ACTR3C: variants seen among roughly 807,000 people sequenced by gnomAD.
ACTR3C encodes the protein actin-related protein 3C.
Under a neutral mutation model 26.3 loss-of-function variants are expected in ACTR3C, and 18 were observed. The observed-to-expected ratio is 0.68, with a 90% CI of 0.47 to 1.01. The LOEUF is 1.01. Ranked by LOEUF, ACTR3C falls within the 50% of genes least tolerant of loss-of-function variation. ACTR3C has a pLI of 0.00. For missense variants in ACTR3C, 184 were observed against 250.7 expected (o/e 0.73, Z 1.80); for synonymous variants, 55 against 94.5 (o/e 0.58, Z 2.42).
At chr7:150,311,312 C>T (rs1345751734) in intron 1 of ACTR3C, among the ~76,000 whole-genome samples, 1 of 152,192 alleles carries the variant, frequency 6.6e-6, no homozygotes, top group African/African-American at 2.4e-5. Context: ...AATCTATAGC[C>T]TTTCTATCCA....
At chr7:149,987,911 GC>G in the ACTR3C span, among the ~76,000 whole-genome samples, 1 of 152,022 alleles carries the variant, frequency 6.6e-6, no homozygotes, top group African/African-American at 2.4e-5. Context: ...TAAAATAAAA[GC>G]TTTTTTAAAA....
the ACTR3C span, among the ~76,000 whole-genome samples, chr7:150,092,012 A>AAAAAAAAAAAAAAAAG: frequency 7.0e-6 from 1 of 141,900 alleles, no homozygotes; most frequent in Non-Finnish European, 1.6e-5. Context: ...AAAAAAAAAA[A>AAAAAAAAAAAAAAAAG]AAAAAAAAAA....
chr7:150,260,790 C>CT lies in ACTR3C; in HGVS notation c.565-11737dup, dbSNP rs570842809. Among the ~76,000 whole-genome samples, 823 of 152,178 alleles carry CT rather than the reference C, an allele frequency of 5.4e-3. 6 individuals are homozygous for CT. Among genetic ancestry groups the CT allele is most frequent in the African/African-American group, 0.019 (774 of 41,500 alleles). ...TAGTGTATTCATAAGGGAGCATATG[C>CT]TTTTTTTGCTAGAAGCAAAACAGAA... On this transcript the variant is annotated intron_variant, in intron 6 of 7. Coordinates refer to ENST00000683684, the MANE Select transcript of ACTR3C (RefSeq NM_001164458.2).
chr7:150,026,443 G>T, the ACTR3C span, among the ~76,000 whole-genome samples: 5,779 of 152,096 alleles, frequency 0.038, 222 homozygotes, highest in African/African-American at 0.088. Flanking sequence ...TGGATTAAAG[G>T]CAATATGAAA....
the ACTR3C span, among the ~76,000 whole-genome samples, chr7:150,043,239 G>A: frequency 6.6e-6 from 1 of 151,132 alleles, no homozygotes; most frequent in African/African-American, 2.4e-5. Flanking sequence ...CAGTCCTCCA[G>A]GTGGTTCCTA....
chr7:149,927,502 G>A, the ACTR3C span, among the ~76,000 whole-genome samples: 1 of 151,834 alleles, frequency 6.6e-6, no homozygotes, highest in African/African-American at 2.4e-5. Context: ...GCCGAGGCAG[G>A]CAGATCACCT....
the ACTR3C span, among the ~76,000 whole-genome samples, chr7:149,924,021 C>T: frequency 2.0e-5 from 3 of 151,352 alleles, no homozygotes; most frequent in East Asian, 5.9e-4. Flanking sequence ...AATTGGAAGC[C>T]CTAAATAACA....
the ACTR3C span, among the ~76,000 whole-genome samples, chr7:150,072,791 G>A: frequency 2.0e-5 from 3 of 152,140 alleles, no homozygotes; most frequent in African/African-American, 7.2e-5. Context: ...AGTATGATAG[G>A]TGCAGACAGA....
the ACTR3C span, among the ~76,000 whole-genome samples, chr7:150,078,055 G>T: frequency 2.0e-5 from 3 of 152,118 alleles, no homozygotes; most frequent in Non-Finnish European, 4.4e-5. Flanking sequence ...AAAATTTCAG[G>T]GGGGAGCATC....
intron 1 of ACTR3C, among the ~76,000 whole-genome samples, chr7:150,307,985 A>G (rs1414515974): frequency 6.6e-6 from 1 of 152,110 alleles, no homozygotes; most frequent in Non-Finnish European, 1.5e-5. Flanking sequence ...CAGAGAAGAC[A>G]CGTTTTATCT....
chr7:150,267,496 C>T (rs116010066), intron 6 of ACTR3C, among the ~76,000 whole-genome samples: 1 of 152,112 alleles, frequency 6.6e-6, no homozygotes, highest in Non-Finnish European at 1.5e-5. Context: ...GTGGTCAGAC[C>T]GACTACTGCA....
chr7:149,889,168 C>G, the ACTR3C span, among the ~76,000 whole-genome samples: 2 of 152,140 alleles, frequency 1.3e-5, no homozygotes, highest in Admixed American at 6.5e-5. Flanking sequence ...ACATGACAAA[C>G]CTAAGTTTTA....
chr7:150,321,452 G>A (rs1797504245), intron 1 of ACTR3C, among the ~76,000 whole-genome samples: 1 of 152,150 alleles, frequency 6.6e-6, no homozygotes, highest in African/African-American at 2.4e-5. Context: ...AAAATAACTT[G>A]CATATGGCTG....
At chr7:150,232,940 TCACTA>T in the ACTR3C span, among the ~76,000 whole-genome samples, 1 of 152,182 alleles carries the variant, frequency 6.6e-6, no homozygotes, top group Non-Finnish European at 1.5e-5. Context: ...GTCATTCACT[TCACTA>T]ATCATATGAT....
chr7:150,045,572 A>G, the ACTR3C span, among the ~76,000 whole-genome samples: 1 of 152,104 alleles, frequency 6.6e-6, no homozygotes, highest in Non-Finnish European at 1.5e-5. Context: ...CAGAAAAAAA[A>G]AAAAAAGCAT....
the ACTR3C span, among the ~76,000 whole-genome samples, chr7:150,059,602 AGAG>A: frequency 3.3e-5 from 5 of 152,228 alleles, no homozygotes; most frequent in Non-Finnish European, 7.3e-5. Context: ...GAGGAAGGAC[AGAG>A]GAGGAGGGAG....
At chr7:150,268,110 G>A (rs1177293229) in intron 6 of ACTR3C, among the ~76,000 whole-genome samples, 5 of 151,818 alleles carry the variant, frequency 3.3e-5, no homozygotes, top group Non-Finnish European at 2.9e-5. Context: ...TGAGAAGAAA[G>A]ATGCCCTAAA....
At chr7:150,009,795 T>C in the ACTR3C span, among the ~76,000 whole-genome samples, 587 of 152,358 alleles carry the variant, frequency 3.9e-3, 4 homozygotes, top group African/African-American at 0.014. Context: ...GTGAGAAGTG[T>C]CCTTCCAAGG....
the ACTR3C span, among the ~76,000 whole-genome samples, chr7:149,996,277 C>T: frequency 9.2e-3 from 1,388 of 150,194 alleles, 2 homozygotes; most frequent in African/African-American, 0.032. Flanking sequence ...AGGGTCCAGG[C>T]AACAATAGGT....
Sources: allele counts gnomAD v4.1 joint callset (sites outside exome capture counted in the v4.1 genomes callset), GRCh38; gene constraint gnomAD v4.1.1; transcripts MANE v1.5; gene names NCBI Gene and HGNC (gene_info 2026-07-23, HGNC 2026-07-21).